GRM7: variants seen among roughly 807,000 people sequenced by gnomAD.
GRM7 encodes the protein glutamate metabotropic receptor 7.
Under a neutral mutation model 84.5 loss-of-function variants are expected in GRM7, and 35 were observed. That is an observed-to-expected ratio of 0.41 (90% confidence interval 0.32 to 0.55). The LOEUF (loss-of-function observed/expected upper bound fraction) is 0.55, where lower values mean the gene tolerates loss of function less well. GRM7 is among the 20% of genes least tolerant of loss of function. The pLI is 0.19. For synonymous variants in GRM7, 487 were observed against 455.1 expected, an observed-to-expected ratio of 1.07 and a Z score of -0.89; for missense variants, 1,003 against 1,194.6, an observed-to-expected ratio of 0.84 and a Z score of 2.36.
At chr3:7,297,643 GTT>G (rs1168351513) in intron 2 of GRM7, among the ~76,000 whole-genome samples, 1 of 137,160 alleles carries the variant, frequency 7.3e-6, no homozygotes, top group Non-Finnish European at 1.5e-5. Context: ...ATTTGTCTAT[GTT>G]TGTGGAAGTC....
intron 7 of GRM7, among the ~76,000 whole-genome samples, chr3:7,502,993 C>T (rs549293728): frequency 6.6e-6 from 1 of 152,156 alleles, no homozygotes; most frequent in South Asian, 2.1e-4. Context: ...CACTTCTTTG[C>T]GTATACAATA....
In GRM7 at chr3:7,345,271, T is replaced by C. The variant is rs1692838260; in HGVS notation, c.1033+38619T>C. On this transcript the variant is annotated intron_variant, in intron 4 of 9. Coordinates refer to ENST00000357716, the MANE Select transcript of GRM7 (RefSeq NM_000844.4). ...ACTCTGTCTCATATCTTAACAATTA[T>C]TCCTTTTTTTTTTTTTTCTTTGAGA... Among the ~76,000 whole-genome samples, 3 of 151,662 alleles carry C rather than the reference T, an allele frequency of 2.0e-5. No individual in the cohort carries two copies. In the South Asian group the frequency reaches 6.3e-4, roughly 32 times the overall value.
At chr3:7,077,786 G>C (rs1328264559) in intron 1 of GRM7, among the ~76,000 whole-genome samples, 2 of 152,048 alleles carry the variant, frequency 1.3e-5, no homozygotes, top group African/African-American at 4.8e-5. Flanking sequence ...TAGATGAAAT[G>C]ATAGGAAGTG....
chr3:7,616,635 ACAAT>A (rs1575559335), intron 8 of GRM7, among the ~76,000 whole-genome samples: 1 of 152,168 alleles, frequency 6.6e-6, no homozygotes. Flanking sequence ...CTTTTTTAAA[ACAAT>A]CAAATATGTA....
intron 1 of GRM7, among the ~76,000 whole-genome samples, chr3:7,136,274 G>T (rs1693768110): frequency 6.6e-6 from 1 of 151,524 alleles, no homozygotes; most frequent in African/African-American, 2.4e-5. Flanking sequence ...TTGCTATGTG[G>T]GCCTGGCAGC....
intron 1 of GRM7, among the ~76,000 whole-genome samples, chr3:7,107,067 G>A (rs1692679392): frequency 6.6e-6 from 1 of 151,910 alleles, no homozygotes; most frequent in Non-Finnish European, 1.5e-5. Flanking sequence ...GACACCTGAG[G>A]GACAGGATAG....
At chr3:7,126,852 A>G (rs565951399) in intron 1 of GRM7, among the ~76,000 whole-genome samples, 15 of 152,162 alleles carry the variant, frequency 9.9e-5, no homozygotes, top group African/African-American at 3.4e-4. Context: ...ATGTTTCTCC[A>G]TTCTTTCTCA....
intron 1 of GRM7, among the ~76,000 whole-genome samples, chr3:7,074,983 T>C (rs996241813): frequency 2.0e-5 from 3 of 152,216 alleles, no homozygotes; most frequent in African/African-American, 7.2e-5. Flanking sequence ...AGTGATCATT[T>C]TAGTCTGAGG....
chr3:7,387,332 C>T lies in GRM7; in HGVS notation c.1034-27691C>T, dbSNP rs559590846. Among the ~76,000 whole-genome samples, 10 of 152,208 alleles carry T rather than the reference C, an allele frequency of 6.6e-5. No individual in the cohort carries two copies. In the South Asian group the frequency reaches 2.1e-3, roughly 32 times the overall value. ...TCTATTTTTAAATTTTGTTCCATTT[C>T]CTTTTGGGGTTTTCATCATGAATTC... On this transcript the variant is annotated intron_variant, in intron 4 of 9. Coordinates refer to ENST00000357716, the MANE Select transcript of GRM7 (RefSeq NM_000844.4).
intron 1 of GRM7, among the ~76,000 whole-genome samples, chr3:7,089,510 A>G (rs561832585): frequency 6.6e-6 from 1 of 152,296 alleles, no homozygotes; most frequent in African/African-American, 2.4e-5. Flanking sequence ...TATATATTTC[A>G]TCTGCTGCTC....
intron 2 of GRM7, among the ~76,000 whole-genome samples, chr3:7,243,936 T>C (rs1697659087): frequency 6.6e-6 from 1 of 152,034 alleles, no homozygotes; most frequent in African/African-American, 2.4e-5. Context: ...AAAGGTACAG[T>C]GAAAATATAA....
At chr3:7,320,696 G>A (rs1324650156) in intron 4 of GRM7, among the ~76,000 whole-genome samples, 3 of 151,422 alleles carry the variant, frequency 2.0e-5, no homozygotes, top group Non-Finnish European at 4.4e-5. Context: ...GTGTGTGTGT[G>A]TGTGTGTGTG....
At chr3:7,609,251 A>G (rs547742380) in intron 8 of GRM7, among the ~76,000 whole-genome samples, 1 of 152,342 alleles carries the variant, frequency 6.6e-6, no homozygotes, top group Non-Finnish European at 1.5e-5. Context: ...TCAGTAATTC[A>G]CTGTTCTTAG....
intron 8 of GRM7, among the ~76,000 whole-genome samples, chr3:7,634,258 C>G (rs138971271): frequency 2.1e-3 from 324 of 152,052 alleles, no homozygotes; most frequent in Non-Finnish European, 3.8e-3. Flanking sequence ...GCTAAAACTC[C>G]TCATCTATTT....
intron 2 of GRM7, among the ~76,000 whole-genome samples, chr3:7,173,397 C>A (rs1375919972): frequency 6.6e-6 from 1 of 152,108 alleles, no homozygotes; most frequent in Non-Finnish European, 1.5e-5. Flanking sequence ...TCCGGCTCCA[C>A]CCCATCCCTC....
intron 6 of GRM7, among the ~76,000 whole-genome samples, chr3:7,460,100 A>T (rs954845922): frequency 2.3e-4 from 4 of 17,216 alleles, no homozygotes; most frequent in East Asian, 1.2e-3. Flanking sequence ...TTAAAATAGT[A>T]AAAAAAAAAA....
chr3:7,490,383 TAAACCTCCCCCCGGGGCATACATA>T lies in GRM7; in HGVS notation c.1515+28663_1515+28686del, dbSNP rs565051942. 5.3e-5 allele frequency among the ~76,000 whole-genome samples: 8 copies of T among 152,238 alleles called. No individual in the cohort carries two copies. In the East Asian group the frequency reaches 9.7e-4, roughly 18 times the overall value. ...TGAAGAGGCACACATTATTCTCCTT[TAAACCTCCCCCCGGGGCATACATA>T]AGCATAGCACCATTTCAGATTCATC... On this transcript the variant is annotated intron_variant, in intron 7 of 9. Coordinates refer to ENST00000357716, the MANE Select transcript of GRM7 (RefSeq NM_000844.4).
chr3:7,506,717 A>G (rs907722568), intron 7 of GRM7, among the ~76,000 whole-genome samples: 4 of 152,218 alleles, frequency 2.6e-5, no homozygotes, highest in Admixed American at 6.5e-5. Flanking sequence ...AGGCAGGAGC[A>G]GGAGAGTCAG....
At chr3:6,943,321 G>C (rs1037748067) in intron 1 of GRM7, among the ~76,000 whole-genome samples, 4 of 151,634 alleles carry the variant, frequency 2.6e-5, no homozygotes, top group African/African-American at 9.7e-5. Flanking sequence ...TTTTGATTTA[G>C]ATGTTTTATA....
Sources: gnomAD v4.1 joint callset for allele counts (sites outside exome capture counted in the v4.1 genomes callset) on GRCh38, gnomAD v4.1.1 for gene constraint, MANE v1.5 for transcripts, NCBI Gene and HGNC (gene_info 2026-07-23, HGNC 2026-07-21) for gene names.